The following CDC42BPB variants were observed in gnomAD, a reference collection of about 807,000 sequenced individuals.
The protein encoded by CDC42BPB is CDC42 binding protein kinase beta.
CDC42BPB carries 37 observed loss-of-function variants against 214.9 expected under a neutral mutation model. That is an observed-to-expected ratio of 0.17 (90% CI 0.13 to 0.23). The LOEUF (loss-of-function observed/expected upper bound fraction) is 0.23, where lower values mean the gene tolerates loss of function less well. Ranked by LOEUF, CDC42BPB falls within the 10% of genes least tolerant of loss-of-function variation. The pLI, the probability that CDC42BPB is intolerant of heterozygous loss-of-function variation, is 1.00. For missense variants in CDC42BPB, 1,694 were observed against 2,227.0 expected (o/e 0.76, Z 4.82); for synonymous variants, 931 against 884.0 (o/e 1.05, Z -0.94).
intron 5 of CDC42BPB, among the ~76,000 whole-genome samples, chr14:102,997,156 G>A (rs1003840354): frequency 2.0e-5 from 3 of 152,140 alleles, no homozygotes; most frequent in Non-Finnish European, 2.9e-5. Flanking sequence ...GAGGGGGCCC[G>A]AGCACAGGCC....
At chr14:102,980,726 G>A (rs1161379860) in intron 8 of CDC42BPB, 47 bp downstream of exon 8, 3 of 1,592,938 alleles carry the variant, frequency 1.9e-6, no homozygotes, top group Non-Finnish European at 1.7e-6. Context: ...AGCACTGCAT[G>A]TCAGACCCAC....
At position 103,012,330 on chromosome 14, in the gene CDC42BPB, G is replaced by A. The variant is rs1014850153; in HGVS notation, c.176-142C>T. On this transcript the variant is annotated intron_variant, in intron 1 of 36. Coordinates refer to ENST00000361246, the MANE Select transcript of CDC42BPB (RefSeq NM_006035.4). ...TTTAATATCTGACATGTTTTGGAAA[G>A]TGAGCACTTATACCAATGGACACAG... 3.5e-6 allele frequency: 5 copies of A among 1,441,592 alleles called. No homozygotes were observed. The African/African-American group carries it at 4.3e-5, about 12-fold the overall frequency. The allele number at this position is 1,441,592 out of a possible 1,614,324, so 89.3% of individuals were successfully genotyped here. A position where few individuals can be genotyped will look rare whatever the true frequency, so the allele number is the denominator to read the frequency against.
chr14:102,952,610 G>A lies in CDC42BPB; in HGVS notation c.3067-7C>T. On this transcript the variant is annotated splice_region_variant and splice_polypyrimidine_tract_variant and intron_variant, in intron 23 of 36. Transcript: ENST00000361246. Reference sequence around the variant, plus strand: ...TGAACTGGTGAGCTTTTGGCTGGAAGGAGAAAATCAAGAACACTGAGGTGA... The same window carrying A: ...TGAACTGGTGAGCTTTTGGCTGGAAAGAGAAAATCAAGAACACTGAGGTGA... 1 of 1,612,334 alleles carries A rather than the reference G, an allele frequency of 6.2e-7. No homozygotes were observed. The highest frequency in any genetic ancestry group is 8.5e-7 in the Non-Finnish European group (1 of 1,178,878).
chr14:103,031,471 G>A (rs1887372271), intron 1 of CDC42BPB, among the ~76,000 whole-genome samples: 1 of 152,228 alleles, frequency 6.6e-6, no homozygotes, highest in South Asian at 2.1e-4. Context: ...GCTTTGTGCA[G>A]TCTGCATTTC....
intron 13 of CDC42BPB, chr14:102,970,482 T>C (rs1376766259): frequency 2.6e-5 from 14 of 534,862 alleles, no homozygotes; most frequent in Admixed American, 6.4e-5. Flanking sequence ...CTAGCTTAAA[T>C]TGACACTTAA....
At chr14:103,035,347 G>A (rs566995319) in intron 1 of CDC42BPB, among the ~76,000 whole-genome samples, 24 of 151,964 alleles carry the variant, frequency 1.6e-4, no homozygotes, top group African/African-American at 5.5e-4. Context: ...GTGAGCCACC[G>A]CGCCCAGCTC....
chr14:103,024,444 G>A (rs1475993270), intron 1 of CDC42BPB, among the ~76,000 whole-genome samples: 1 of 152,206 alleles, frequency 6.6e-6, no homozygotes, highest in Non-Finnish European at 1.5e-5. Context: ...AAGAAGCAGG[G>A]AGGAAGAGTT....
chr14:102,990,162 T>TCA (rs1323922022), intron 5 of CDC42BPB, among the ~76,000 whole-genome samples: 1 of 152,082 alleles, frequency 6.6e-6, no homozygotes, highest in Non-Finnish European at 1.5e-5. Context: ...GGAAGGGAAG[T>TCA]CTAAAATGGA....
chr14:103,038,241 A>C (rs1887780321), intron 1 of CDC42BPB, among the ~76,000 whole-genome samples: 1 of 147,804 alleles, frequency 6.8e-6, no homozygotes, highest in African/African-American at 2.5e-5. Context: ...AGGCTGAGGC[A>C]GGAGAATAGC....
At chr14:102,964,862 T>A in intron 18 of CDC42BPB, 1 of 603,178 alleles carries the variant, frequency 1.7e-6, no homozygotes, top group Non-Finnish European at 2.1e-6. Context: ...AATAACTAAA[T>A]AATTTACTTT....
At chr14:102,971,888 G>A (rs771093006) in intron 13 of CDC42BPB, 31 bp downstream of exon 13, 1 of 1,601,252 alleles carries the variant, frequency 6.2e-7, no homozygotes, top group Non-Finnish European at 8.5e-7. Flanking sequence ...ATGTCCAGTC[G>A]ATACCATCCC....
intron 18 of CDC42BPB, among the ~76,000 whole-genome samples, chr14:102,965,930 C>A (rs1315179839): frequency 3.3e-5 from 5 of 152,204 alleles, no homozygotes; most frequent in African/African-American, 1.2e-4. Flanking sequence ...GCACTCTAGC[C>A]TGGGCAACAG....
In CDC42BPB at chr14:102,959,155, G is replaced by A. The variant is rs186147626; in HGVS notation, c.2901+476C>T. The stretch of plus-strand genomic sequence containing the variant: ...CTACTAAAAATACAAAAATTAGCCG[G>A]GCGTGGTGGTGGGTGCCTGTAGTCC... On this transcript the variant is annotated intron_variant, in intron 21 of 36. Transcript: ENST00000361246. 7.8e-3 allele frequency among the ~76,000 whole-genome samples: 1,183 copies of A among 151,922 alleles called. 57 individuals are homozygous for A. Among genetic ancestry groups the A allele is most frequent in the Admixed American group, 0.073 (1,121 of 15,262 alleles).
At chr14:103,030,374 T>A (rs1005656760) in intron 1 of CDC42BPB, among the ~76,000 whole-genome samples, 6 of 152,230 alleles carry the variant, frequency 3.9e-5, no homozygotes, top group African/African-American at 1.4e-4. Context: ...TCATTTTAAA[T>A]GTTATTTATT....
At chr14:103,033,640 T>C (rs1887513868) in intron 1 of CDC42BPB, among the ~76,000 whole-genome samples, 1 of 152,174 alleles carries the variant, frequency 6.6e-6, no homozygotes, top group Non-Finnish European at 1.5e-5. Context: ...AATACCACCA[T>C]ATAAAAAACT....
At chr14:103,044,148 A>T (rs879258092) in intron 1 of CDC42BPB, among the ~76,000 whole-genome samples, 2 of 152,230 alleles carry the variant, frequency 1.3e-5, no homozygotes, top group Non-Finnish European at 2.9e-5. Flanking sequence ...CTCTATTAAT[A>T]AACAAAGACT....
At position 102,978,255 on chromosome 14, in the gene CDC42BPB, G is replaced by A. The variant is rs974002970; in HGVS notation, c.1141-50C>T. 4 of 1,602,310 alleles carry A rather than the reference G, an allele frequency of 2.5e-6. 1 individual carries two copies. Among genetic ancestry groups the A allele is most frequent in the Non-Finnish European group, 3.4e-6 (4 of 1,170,704 alleles). Reference sequence around the variant, plus strand: ...AATGAAATCTACATTCAAACAAACAGGTAAAAAGAGGAAAGATGGTTACAG... The same window carrying A: ...AATGAAATCTACATTCAAACAAACAAGTAAAAAGAGGAAAGATGGTTACAG... On this transcript the variant is annotated intron_variant, in intron 8 of 36. Transcript: ENST00000361246.
chr14:103,032,708 T>C (rs1200696118), intron 1 of CDC42BPB, among the ~76,000 whole-genome samples: 12 of 150,106 alleles, frequency 8.0e-5, no homozygotes, highest in Middle Eastern at 3.4e-3. Context: ...TCTAGGCTCA[T>C]TGCGACCTCT....
chr14:102,937,918 G>C (rs1158506888), intron 36 of CDC42BPB, among the ~76,000 whole-genome samples, 186 bp downstream of exon 36: 1 of 152,188 alleles, frequency 6.6e-6, no homozygotes, highest in East Asian at 1.9e-4. Context: ...GTCTGACCAA[G>C]AGATTGCTGC....
Sources: gnomAD v4.1 joint callset for allele counts (sites outside exome capture counted in the v4.1 genomes callset) on GRCh38, gnomAD v4.1.1 for gene constraint, MANE v1.5 for transcripts, NCBI Gene and HGNC (gene_info 2026-07-23, HGNC 2026-07-21) for gene names.